Variants in RFXANK observed in about 807,000 individuals in gnomAD.
RFXANK encodes DNA-binding protein RFXANK.
A neutral mutation model predicts 34.5 loss-of-function variants in RFXANK; 19 were observed. That is an observed-to-expected ratio of 0.55 (90% CI 0.38 to 0.81). The LOEUF (loss-of-function observed/expected upper bound fraction) is 0.81, where lower values mean the gene tolerates loss of function less well. RFXANK is among the 30% of genes least tolerant of loss of function. The pLI, the probability that RFXANK is intolerant of heterozygous loss-of-function variation, is 0.00. For missense variants in RFXANK, 295 were observed against 343.5 expected (o/e 0.86, Z 1.12); for synonymous variants, 154 against 149.8 (o/e 1.03, Z -0.20).
At chr19:19,193,412 CTTTTTTTTTT>C (rs71338310) in intron 2 of RFXANK, among the ~76,000 whole-genome samples, 1 of 94,834 alleles carries the variant, frequency 1.1e-5, no homozygotes, top group Admixed American at 1.3e-4. Flanking sequence ...TTTTTCCTTT[CTTTTTTTTTT>C]TTTTTTTTTT....
At chr19:19,200,887 C>T (rs1423198618) in intron 9 of RFXANK, 1 of 158,166 alleles carries the variant, frequency 6.3e-6, no homozygotes, top group Non-Finnish European at 1.4e-5. Context: ...CAACTTCCGC[C>T]TCCCAGGTTC....
chr19:19,201,133 G>A (rs2060707113), intron 9 of RFXANK, among the ~76,000 whole-genome samples: 1 of 152,074 alleles, frequency 6.6e-6, no homozygotes, highest in Admixed American at 6.6e-5. Context: ...TAGTAGAGAT[G>A]GGGTTTCATC....
intron 2 of RFXANK, among the ~76,000 whole-genome samples, chr19:19,193,465 C>G (rs550500250): frequency 3.5e-5 from 5 of 141,826 alleles, no homozygotes; most frequent in Non-Finnish European, 6.0e-5. Context: ...GTCGCCCCAG[C>G]TACAGTGCAG....
chr19:19,196,222 G>A (rs1174245236), intron 3 of RFXANK, among the ~76,000 whole-genome samples: 3 of 152,152 alleles, frequency 2.0e-5, no homozygotes, highest in Non-Finnish European at 2.9e-5. Flanking sequence ...GTGAGTGAAT[G>A]GTGGAGTCCC....
chr19:19,196,885 A>G, intron 3 of RFXANK, 78 bp from the exon 4 acceptor site: 1 of 1,371,652 alleles, frequency 7.3e-7, no homozygotes. Context: ...AGCAACAAAA[A>G]AAAACAGATG....
intron 7 of RFXANK, 47 bp from the exon 8 acceptor site, chr19:19,198,610 T>G (rs776013421): frequency 1.9e-6 from 3 of 1,602,148 alleles, no homozygotes; most frequent in Non-Finnish European, 1.7e-6. Flanking sequence ...ATTTTGAGAA[T>G]GAGGAAGAGG....
At chr19:19,193,583 T>G (rs1327240043) in intron 2 of RFXANK, among the ~76,000 whole-genome samples, 2 of 152,122 alleles carry the variant, frequency 1.3e-5, no homozygotes, top group South Asian at 2.1e-4. Flanking sequence ...GCTTGGCTAA[T>G]TTTTGTATTT....
At chr19:19,197,287 C>G (rs1297477543) in intron 5 of RFXANK, 36 bp downstream of exon 5, 15 of 1,608,324 alleles carry the variant, frequency 9.3e-6, no homozygotes, top group African/African-American at 6.7e-5. Context: ...CATGTCTGCA[C>G]CTGGCTGGTG....
intron 9 of RFXANK, 22 bp downstream of exon 9, chr19:19,199,256 C>G (rs1421233909): frequency 6.2e-7 from 1 of 1,611,824 alleles, no homozygotes; most frequent in Non-Finnish European, 8.5e-7. Context: ...ACACACAGAG[C>G]AGGGGTGGGG....
At chr19:19,200,302 T>G (rs1271454364) in intron 9 of RFXANK, among the ~76,000 whole-genome samples, 1 of 148,924 alleles carries the variant, frequency 6.7e-6, no homozygotes, top group African/African-American at 2.5e-5. Context: ...CTCAGCCTCC[T>G]GAGTAGCTGG....
intron 9 of RFXANK, among the ~76,000 whole-genome samples, chr19:19,199,723 G>A (rs2060668327): frequency 6.6e-6 from 1 of 152,148 alleles, no homozygotes; most frequent in Non-Finnish European, 1.5e-5. Context: ...AGGCGACCAG[G>A]CCATAGTGCA....
At position 19,193,983 on chromosome 19, in the gene RFXANK, A is replaced by T. The variant is rs373342097; in HGVS notation, c.37A>T (p.Thr13Ser). The T allele has an allele frequency of 2.7e-5, 44 of 1,613,994 alleles. No individual in the cohort carries two copies. The highest frequency in any genetic ancestry group is 3.4e-5 in the Non-Finnish European group (40 of 1,180,032). The part of the protein sequence containing the change: ...LTQPAEDLIQ[T>S]QQTPASELGD... Reference sequence around the variant, plus strand: ...CCAGCCTGCAGAAGACCTCATCCAGACCCAGCAGACCCCTGCCTCAGAACT... The same window carrying T: ...CCAGCCTGCAGAAGACCTCATCCAGTCCCAGCAGACCCCTGCCTCAGAACT... Residue 13 changes from threonine to serine, a missense_variant, in exon 3 of 10, where the codon ACC becomes TCC. Transcript: ENST00000303088.
At chr19:19,201,459 T>C (rs2146519409) in intron 9 of RFXANK, 190 bp from the exon 10 acceptor site, 1 of 1,550,714 alleles carries the variant, frequency 6.4e-7, no homozygotes, top group Non-Finnish European at 8.7e-7. Flanking sequence ...GCTACAAAAG[T>C]GCATTTTTAC....
intron 1 of RFXANK, 164 bp from the exon 2 acceptor site, chr19:19,192,796 A>G (rs1393764593): frequency 3.9e-5 from 6 of 152,502 alleles, no homozygotes; most frequent in Admixed American, 3.3e-4. Flanking sequence ...CCCTCCCAGG[A>G]CCCCAGCGGA....
chr19:19,199,823 T>C (rs2060670858), intron 9 of RFXANK, among the ~76,000 whole-genome samples: 1 of 152,134 alleles, frequency 6.6e-6, no homozygotes, highest in African/African-American at 2.4e-5. Context: ...ATTTTCTCTG[T>C]CACAATGGGA....
chr19:19,193,971 GACCTCA>G lies in RFXANK; in HGVS notation c.26_31del (p.Asp9_Ile11delinsVal). Reference sequence around the variant, plus strand: ...CATGGAGCTTACCCAGCCTGCAGAAGACCTCATCCAGACCCAGCAGACCCCTGCCTC... The same window carrying G: ...CATGGAGCTTACCCAGCCTGCAGAAGTCCAGACCCAGCAGACCCCTGCCTC... On this transcript the variant is annotated inframe_deletion, in exon 3 of 10. Coordinates refer to ENST00000303088, the MANE Select transcript of RFXANK (RefSeq NM_003721.4). 6.2e-7 allele frequency: 1 copy of G among 1,614,222 alleles called. No homozygotes were observed. Among genetic ancestry groups the G allele is most frequent in the Non-Finnish European group, 8.5e-7 (1 of 1,180,046 alleles).
At chr19:19,196,897 G>C in intron 3 of RFXANK, 66 bp from the exon 4 acceptor site, 1 of 1,415,102 alleles carries the variant, frequency 7.1e-7, no homozygotes, top group Non-Finnish European at 9.9e-7. Flanking sequence ...AAACAGATGG[G>C]CTTCTGTCCT....
intron 9 of RFXANK, chr19:19,201,414 C>G: frequency 7.0e-7 from 1 of 1,434,802 alleles, no homozygotes; most frequent in Non-Finnish European, 9.5e-7. Flanking sequence ...ACACATTTTG[C>G]TTGGTAGGAA....
In RFXANK at chr19:19,194,090, G is replaced by C. The variant is rs34282046; in HGVS notation, c.144G>C (p.Glu48Asp). The C allele has an allele frequency of 0.055, 88,883 of 1,614,068 alleles. 2,728 individuals are homozygous for C. Among genetic ancestry groups the C allele is most frequent in the Admixed American group, 0.097 (5,796 of 59,996 alleles). ...TCAGTCTCTTTCCCTGCACCCCTGA[G>C]CCTGTGAATCCTGAACCGGATGCCA... Reference protein sequence around the residue: ...VVLSLFPCTPEPVNPEPDASV... With the variant: ...VVLSLFPCTPDPVNPEPDASV... Residue 48 changes from glutamate (E) to aspartate (D), a missense_variant, in exon 3 of 10, where the codon GAG becomes GAC. Glu to Asp is a conservative substitution (Grantham distance 45). Coordinates refer to ENST00000303088, the MANE Select transcript of RFXANK (RefSeq NM_003721.4).
Sources: allele counts gnomAD v4.1 joint callset (sites outside exome capture counted in the v4.1 genomes callset), GRCh38; gene constraint gnomAD v4.1.1; transcripts MANE v1.5; gene names NCBI Gene and HGNC (gene_info 2026-07-23, HGNC 2026-07-21).